Variants in CSMD3 observed in about 807,000 individuals in gnomAD.
The protein encoded by CSMD3 is CUB and Sushi multiple domains 3.
CSMD3 carries 177 observed loss-of-function variants against 435.2 expected under a neutral mutation model. The ratio of observed to expected loss-of-function variants is 0.41; its 90% CI spans 0.36 to 0.46. The LOEUF (loss-of-function observed/expected upper bound fraction) is 0.46, where lower values mean the gene tolerates loss of function less well. Among genes scored for constraint, CSMD3 ranks in the 20% least tolerant of loss-of-function variants. The pLI is 0.34. For missense variants in CSMD3, 4,265 were observed against 4,504.6 expected, an observed-to-expected ratio of 0.95 and a Z score of 1.52; for synonymous variants, 1,656 against 1,520.5, an observed-to-expected ratio of 1.09 and a Z score of -2.07.
chr8:113,093,203 G>T (rs1470647986), intron 5 of CSMD3, among the ~76,000 whole-genome samples: 2 of 151,984 alleles, frequency 1.3e-5, no homozygotes, highest in Non-Finnish European at 2.9e-5. Flanking sequence ...TAATCTGGAA[G>T]GAGAAAAATC....
intron 3 of CSMD3, among the ~76,000 whole-genome samples, chr8:113,270,263 C>T (rs1381660409): frequency 2.0e-5 from 3 of 147,898 alleles, no homozygotes; most frequent in African/African-American, 5.1e-5. Context: ...CAATGAGATA[C>T]CATCTCACAC....
intron 1 of CSMD3, among the ~76,000 whole-genome samples, chr8:113,402,464 A>C (rs1157338293): frequency 6.6e-6 from 1 of 151,414 alleles, no homozygotes; most frequent in Non-Finnish European, 1.5e-5. Flanking sequence ...ATGATGTTGC[A>C]CAAAAATCCC....
chr8:113,093,481 A>C (rs2090069582), intron 5 of CSMD3, among the ~76,000 whole-genome samples: 1 of 152,178 alleles, frequency 6.6e-6, no homozygotes, highest in Admixed American at 6.6e-5. Flanking sequence ...AGATAAATCA[A>C]GTGAGATAAG....
chr8:112,899,282 C>A (rs1485430916), intron 10 of CSMD3, among the ~76,000 whole-genome samples: 2 of 150,252 alleles, frequency 1.3e-5, no homozygotes, highest in Non-Finnish European at 3.0e-5. Flanking sequence ...GTTAGTGGGG[C>A]AGAAAAAAGG....
At chr8:113,184,203 T>G (rs1328780075) in intron 3 of CSMD3, among the ~76,000 whole-genome samples, 1 of 152,028 alleles carries the variant, frequency 6.6e-6, no homozygotes, top group African/African-American at 2.4e-5. Context: ...TACAGAGCTT[T>G]CATTCCCTCC....
chr8:112,517,266 C>T (rs1441726936), intron 27 of CSMD3, 41 bp from the exon 28 acceptor site: 15 of 1,471,580 alleles, frequency 1.0e-5, no homozygotes, highest in Non-Finnish European at 1.4e-5. Context: ...TTGATAACTA[C>T]CAAAATCAAT....
intron 12 of CSMD3, among the ~76,000 whole-genome samples, chr8:112,804,853 C>T (rs1000207944): frequency 1.3e-5 from 2 of 151,724 alleles, no homozygotes; most frequent in African/African-American, 2.4e-5. Context: ...TTAGTAGAGA[C>T]GGGGTTTCAC....
chr8:113,311,339 T>A (rs533166533), intron 2 of CSMD3: 1 of 151,524 alleles, frequency 6.6e-6, no homozygotes, highest in East Asian at 2.0e-4. Context: ...AGGCTTAGAG[T>A]ACAGTTTTTA....
intron 1 of CSMD3, among the ~76,000 whole-genome samples, chr8:113,399,621 G>A (rs945596678): frequency 3.3e-5 from 5 of 151,874 alleles, no homozygotes; most frequent in African/African-American, 9.7e-5. Context: ...AAATAGAATA[G>A]CAGCTTCCTG....
chr8:113,098,493 T>C (rs2090231111), intron 5 of CSMD3: 1 of 442,390 alleles, frequency 2.3e-6, no homozygotes, highest in African/African-American at 2.0e-5. Context: ...CCATCAAGTT[T>C]GGACTGGCAT....
At chr8:112,682,722 G>A (rs936351797) in intron 15 of CSMD3, 86 bp from the exon 16 acceptor site, 10 of 924,346 alleles carry the variant, frequency 1.1e-5, no homozygotes, top group African/African-American at 1.6e-5. Context: ...AAGAGAGAGA[G>A]AGAAAGAGAT....
intron 38 of CSMD3, among the ~76,000 whole-genome samples, chr8:112,374,980 C>T (rs942570569): frequency 9.2e-5 from 14 of 152,130 alleles, no homozygotes; most frequent in Non-Finnish European, 1.5e-4. Flanking sequence ...ACAGATTAAA[C>T]GCCATTCACT....
At position 113,206,483 on chromosome 8, in the gene CSMD3, T is replaced by A. The variant is rs1391173986; in HGVS notation, c.515-32567A>T. Among the ~76,000 whole-genome samples, 4 of 152,304 alleles carry A rather than the reference T, an allele frequency of 2.6e-5. No individual in the cohort carries two copies. In the East Asian group the frequency reaches 7.7e-4, roughly 29 times the overall value. ...TCTATTTGTAATAGGCAGAAATTTATATTCTTCATTTTTCTGTCTCGATGA... is the reference window on the plus strand; with the variant it reads ...TCTATTTGTAATAGGCAGAAATTTAAATTCTTCATTTTTCTGTCTCGATGA... On this transcript the variant is annotated intron_variant, in intron 3 of 70. Coordinates refer to ENST00000297405, the MANE Select transcript of CSMD3 (RefSeq NM_198123.2).
chr8:113,105,187 C>G (rs1263879360), intron 4 of CSMD3, among the ~76,000 whole-genome samples: 2 of 151,840 alleles, frequency 1.3e-5, no homozygotes, highest in African/African-American at 2.4e-5. Flanking sequence ...AAAATTAAAA[C>G]TGAGAAAAAT....
intron 32 of CSMD3, among the ~76,000 whole-genome samples, chr8:112,471,265 A>G (rs1370768209): frequency 6.6e-6 from 1 of 152,182 alleles, no homozygotes; most frequent in Non-Finnish European, 1.5e-5. Flanking sequence ...AGTTTTCTGG[A>G]TAATCATTGT....
At chr8:112,583,147 G>T (rs905696321) in intron 23 of CSMD3, among the ~76,000 whole-genome samples, 1 of 151,994 alleles carries the variant, frequency 6.6e-6, no homozygotes, top group South Asian at 2.1e-4. Context: ...CCGGAAGTGT[G>T]AAGAAAAGAA....
intron 3 of CSMD3, among the ~76,000 whole-genome samples, chr8:113,199,812 A>T (rs983435027): frequency 1.3e-5 from 2 of 151,984 alleles, no homozygotes; most frequent in African/African-American, 4.8e-5. Flanking sequence ...TGGGAAATGG[A>T]ATACATTAAA....
chr8:112,390,299 A>C (rs764137214), intron 36 of CSMD3, among the ~76,000 whole-genome samples: 1 of 152,190 alleles, frequency 6.6e-6, no homozygotes, highest in Non-Finnish European at 1.5e-5. Flanking sequence ...AGCCACCTCA[A>C]GACCTCAGGA....
At chr8:113,145,769 A>G (rs2091659233) in intron 4 of CSMD3, among the ~76,000 whole-genome samples, 1 of 151,608 alleles carries the variant, frequency 6.6e-6, no homozygotes, top group African/African-American at 2.4e-5. Flanking sequence ...CAGAGGAGGT[A>G]CTTAATAAAG....
Sources: allele counts gnomAD v4.1 joint callset (sites outside exome capture counted in the v4.1 genomes callset), GRCh38; gene constraint gnomAD v4.1.1; transcripts MANE v1.5; gene names NCBI Gene and HGNC (gene_info 2026-07-23, HGNC 2026-07-21).